Variants in TRPM7 observed in about 807,000 individuals in gnomAD.
The protein encoded by TRPM7 is LTRPC ion channel family member 7.
In TRPM7, 134 loss-of-function variants were observed where a neutral mutation model predicts 229.7. That is an observed-to-expected ratio of 0.58 (90% CI 0.51 to 0.67). The LOEUF is 0.67. TRPM7 is among the 30% of genes least tolerant of loss of function. The pLI is 0.00. For synonymous variants in TRPM7, 699 were observed against 715.2 expected, an observed-to-expected ratio of 0.98 and a Z score of 0.36; for missense variants, 1,901 against 2,210.0, an observed-to-expected ratio of 0.86 and a Z score of 2.80.
chr15:50,635,872 G>C (rs78216800), intron 7 of TRPM7, among the ~76,000 whole-genome samples: 3 of 151,584 alleles, frequency 2.0e-5, no homozygotes, highest in Non-Finnish European at 4.4e-5. Context: ...CTAGCTACTC[G>C]GGAGGCTGAG....
intron 22 of TRPM7, among the ~76,000 whole-genome samples, chr15:50,596,862 T>C (rs1195708853): frequency 6.6e-6 from 1 of 152,186 alleles, no homozygotes; most frequent in Non-Finnish European, 1.5e-5. Flanking sequence ...GCAATTCTCC[T>C]GCCTCAGCCG....
chr15:50,652,655 C>T (rs1343326689), intron 3 of TRPM7, among the ~76,000 whole-genome samples: 1 of 104,360 alleles, frequency 9.6e-6, no homozygotes, highest in South Asian at 3.2e-4. Context: ...CCAAAAAAAT[C>T]GTTTAAGTGG....
At chr15:50,576,468 A>T (rs2054140916) in intron 31 of TRPM7, among the ~76,000 whole-genome samples, 1 of 152,240 alleles carries the variant, frequency 6.6e-6, no homozygotes, top group Admixed American at 6.5e-5. Context: ...AAAGGAAGTT[A>T]GCCAACAGTT....
At chr15:50,617,101 C>T (rs2060241863) in intron 13 of TRPM7, among the ~76,000 whole-genome samples, 1 of 150,544 alleles carries the variant, frequency 6.6e-6, no homozygotes, top group Non-Finnish European at 1.5e-5. Flanking sequence ...GCCAGCCTGG[C>T]CAACATGATG....
chr15:50,600,609 G>T (rs2059755110), intron 21 of TRPM7, among the ~76,000 whole-genome samples: 1 of 152,016 alleles, frequency 6.6e-6, no homozygotes, highest in Non-Finnish European at 1.5e-5. Flanking sequence ...TAAAATAATT[G>T]TAATGACAAC....
At chr15:50,614,345 T>C (rs1423757149) in intron 13 of TRPM7, 82 bp from the exon 14 acceptor site, 2 of 1,249,472 alleles carry the variant, frequency 1.6e-6, no homozygotes, top group Non-Finnish European at 2.2e-6. Flanking sequence ...AGGCCTACTC[T>C]CCAAAATGAC....
chr15:50,561,614 G>A lies in TRPM7; in HGVS notation c.*64C>T. On this transcript the variant is annotated 3_prime_UTR_variant, in exon 39 of 39. Transcript: ENST00000646667. ...ATTACCAAACAATTTCCTCCCGAGG[G>A]AAAAGTGACACAGTAACATTTCTGT... 2 of 1,581,910 alleles carry A rather than the reference G, an allele frequency of 1.3e-6. No homozygotes were observed. The highest frequency in any genetic ancestry group is 2.3e-5 in the South Asian group (2 of 86,428).
At chr15:50,677,294 CCT>C (rs1352782837) in intron 1 of TRPM7, among the ~76,000 whole-genome samples, 2 of 152,034 alleles carry the variant, frequency 1.3e-5, no homozygotes, top group South Asian at 2.1e-4. Flanking sequence ...CTCATCTACC[CCT>C]GATTACCTCC....
intron 38 of TRPM7, among the ~76,000 whole-genome samples, chr15:50,565,705 C>T (rs2053568004): frequency 6.6e-6 from 1 of 152,112 alleles, no homozygotes; most frequent in Non-Finnish European, 1.5e-5. Flanking sequence ...AGCAAGGATA[C>T]AAGAACTCCG....
At chr15:50,567,258 T>C (rs1038974539) in intron 38 of TRPM7, among the ~76,000 whole-genome samples, 3 of 152,182 alleles carry the variant, frequency 2.0e-5, no homozygotes, top group Non-Finnish European at 4.4e-5. Context: ...ACATGTGCCA[T>C]GTTGGTGTGC....
chr15:50,651,092 T>C lies in TRPM7; in HGVS notation c.123-2207A>G, dbSNP rs1173673129. The stretch of plus-strand genomic sequence containing the variant: ...GTCCAAGCTACTTGGGAAGCTGAGA[T>C]GGGAGGACTGCTTGAGCCCAGGAGG... On this transcript the variant is annotated intron_variant, in intron 3 of 38. Transcript: ENST00000646667. Among the ~76,000 whole-genome samples the C allele has an allele frequency of 4.0e-5, 6 of 151,738 alleles. No homozygotes were observed. The East Asian group carries it at 1.2e-3, about 30-fold the overall frequency.
At chr15:50,592,821 A>G (rs1322598883) in intron 25 of TRPM7, among the ~76,000 whole-genome samples, 195 bp from the exon 26 acceptor site, 1 of 152,206 alleles carries the variant, frequency 6.6e-6, no homozygotes, top group African/African-American at 2.4e-5. Context: ...TCTTATATTA[A>G]AATGCAAGAT....
At chr15:50,591,381 A>G (rs1208572435) in intron 26 of TRPM7, among the ~76,000 whole-genome samples, 3 of 152,214 alleles carry the variant, frequency 2.0e-5, no homozygotes, top group South Asian at 2.1e-4. Context: ...ATGAAACCCA[A>G]TTGAAGATAT....
rs1283454297 is a variant in TRPM7 at position 50,560,369 on chromosome 15, TA to T, written c.*1308del. The T allele has an allele frequency of 6.6e-6, 1 of 152,622 alleles. No homozygotes were observed. The highest frequency in any genetic ancestry group is 2.4e-5 in the African/African-American group (1 of 41,452). The allele number at this position is 152,622 out of a possible 1,614,324, so 9.5% of individuals were successfully genotyped here. On this transcript the variant is annotated 3_prime_UTR_variant, in exon 39 of 39. Coordinates refer to ENST00000646667, the MANE Select transcript of TRPM7 (RefSeq NM_017672.6). ...AAACGTATATAGTATCTTTAAGTAATACACTTTTTCTTTCTCCCCACCCCCA... is the reference window on the plus strand; with the variant it reads ...AAACGTATATAGTATCTTTAAGTAATCACTTTTTCTTTCTCCCCACCCCCA...
chr15:50,557,440 CAT>C lies in TRPM7; in HGVS notation c.*4236_*4237del, dbSNP rs1376563335. On this transcript the variant is annotated 3_prime_UTR_variant, in exon 39 of 39. Transcript: ENST00000646667. ...TGCTAGCTACTAACTATGAAAACAA[CAT>C]AGTCTGACTTGAGAGTGGGGAAAGT... 2 of 152,112 alleles carry C rather than the reference CAT, an allele frequency of 1.3e-5. No homozygotes were observed. The highest frequency in any genetic ancestry group is 6.6e-5 in the Admixed American group (1 of 15,260). The allele number at this position is 152,112 out of a possible 1,614,324, so 9.4% of individuals were successfully genotyped here.
intron 28 of TRPM7, among the ~76,000 whole-genome samples, chr15:50,584,696 C>T (rs1035045948): frequency 4.0e-5 from 6 of 150,204 alleles, no homozygotes; most frequent in South Asian, 2.1e-4. Context: ...AAATCTGAAA[C>T]GCTCCAATGA....
chr15:50,636,926 G>A (rs1450771370), intron 7 of TRPM7, among the ~76,000 whole-genome samples: 1 of 152,048 alleles, frequency 6.6e-6, no homozygotes, highest in Non-Finnish European at 1.5e-5. Context: ...TCAGGAAATT[G>A]AGATCATCCT....
At chr15:50,570,858 A>AC (rs199714841) in intron 36 of TRPM7, among the ~76,000 whole-genome samples, 5,179 of 151,874 alleles carry the variant, frequency 0.034, 107 homozygotes, top group Middle Eastern at 0.099. Flanking sequence ...CGTCTCAAAA[A>AC]AAAAACAAAA....
At chr15:50,585,020 C>T (rs964535138) in intron 28 of TRPM7, among the ~76,000 whole-genome samples, 3 of 150,006 alleles carry the variant, frequency 2.0e-5, no homozygotes, top group Non-Finnish European at 1.5e-5. Context: ...GGATTACAGA[C>T]GTGCGCCACC....
Sources: allele counts gnomAD v4.1 joint callset (sites outside exome capture counted in the v4.1 genomes callset), GRCh38; gene constraint gnomAD v4.1.1; transcripts MANE v1.5; gene names NCBI Gene and HGNC (gene_info 2026-07-23, HGNC 2026-07-21).